ATP2C2: variants seen among roughly 807,000 people sequenced by gnomAD.
ATP2C2 encodes the protein ATPase secretory pathway Ca2+ transporting 2, also known as calcium-transporting ATPase type 2C member 2.
ATP2C2 carries 171 observed loss-of-function variants against 110.8 expected under a neutral mutation model. The observed-to-expected ratio is 1.54, with a 90% CI of 1.36 to 1.75. ATP2C2 has a LOEUF of 1.75. ATP2C2 is among the 40% of genes most tolerant of loss of function. The probability of loss-of-function intolerance (pLI) is 0.00; values close to 1 mark genes in which losing one functional copy is unlikely to be tolerated. For missense variants in ATP2C2, 1,963 were observed against 1,235.0 expected, an observed-to-expected ratio of 1.59 and a Z score of -8.84; for synonymous variants, 804 against 508.4, an observed-to-expected ratio of 1.58 and a Z score of -7.82.
chr16:84,444,183 A>C (rs1159878804), intron 15 of ATP2C2, among the ~76,000 whole-genome samples: 2 of 148,132 alleles, frequency 1.4e-5, no homozygotes, highest in Non-Finnish European at 3.0e-5. Context: ...AAAAAAAAAA[A>C]ACAAAAAGAT....
At chr16:84,430,768 T>TG (rs1908205061) in intron 11 of ATP2C2, among the ~76,000 whole-genome samples, 1 of 151,888 alleles carries the variant, frequency 6.6e-6, no homozygotes, top group Admixed American at 6.6e-5. Flanking sequence ...ACACAGCCCA[T>TG]GGGGTAAGTC....
At chr16:84,439,670 T>C (rs1255790319) in intron 13 of ATP2C2, 146 bp downstream of exon 13, 2 of 785,158 alleles carry the variant, frequency 2.5e-6, no homozygotes, top group Non-Finnish European at 4.1e-6. Context: ...ACATGACTGA[T>C]TTTGTTTTTA....
At position 84,451,987 on chromosome 16, in the gene ATP2C2, AC is replaced by A. The variant is rs771595842; in HGVS notation, c.1733del (p.Pro578ArgfsTer5). On this transcript the variant is annotated frameshift_variant, in exon 18 of 27. Transcript: ENST00000262429. LOFTEE classifies it high-confidence loss of function. ...TTTCTCGGTCTTGTGGGCATCATTG[AC>A]CCCCCGAGAGTTGGCGTGAAGGAAG... Reference protein sequence around the residue: ...LTFLGLVGIIDPPRVGVKEAV... With the variant: ...LTFLGLVGIIXPPRVGVKEAV... 6.2e-7 allele frequency: 1 copy of A among 1,612,956 alleles called. No homozygotes were observed. The highest frequency in any genetic ancestry group is 1.7e-5 in the Admixed American group (1 of 59,872).
chr16:84,406,169 C>A (rs762253357), intron 3 of ATP2C2, among the ~76,000 whole-genome samples: 2 of 152,122 alleles, frequency 1.3e-5, no homozygotes, highest in East Asian at 1.9e-4. Flanking sequence ...CTGCTGCCAT[C>A]GGTGCTGGCG....
chr16:84,404,562 G>C (rs1905581721), intron 2 of ATP2C2: 1 of 201,550 alleles, frequency 5.0e-6, no homozygotes, highest in Admixed American at 5.3e-5. Context: ...GTATTTCATT[G>C]TGTGTGTACA....
At chr16:84,460,363 G>T (rs567735621) in intron 23 of ATP2C2, 7 of 458,976 alleles carry the variant, frequency 1.5e-5, no homozygotes, top group East Asian at 1.3e-4. Context: ...GGGTCCCCTC[G>T]GGGTGATGGA....
At chr16:84,454,393 A>G (rs1910596929) in intron 20 of ATP2C2, among the ~76,000 whole-genome samples, 1 of 152,064 alleles carries the variant, frequency 6.6e-6, no homozygotes, top group South Asian at 2.1e-4. Flanking sequence ...TTCTTCTTTC[A>G]TGTTATTTTT....
chr16:84,420,918 G>T (rs1190839422), intron 7 of ATP2C2, among the ~76,000 whole-genome samples: 1 of 152,146 alleles, frequency 6.6e-6, no homozygotes, highest in South Asian at 2.1e-4. Context: ...AGATTCTCCT[G>T]CCTCAGCCTC....
At chr16:84,378,584 T>G (rs1910387517) in intron 1 of ATP2C2, among the ~76,000 whole-genome samples, 2 of 152,194 alleles carry the variant, frequency 1.3e-5, no homozygotes, top group Non-Finnish European at 2.9e-5. Context: ...TGTTTAAAAC[T>G]CTCTGCACAA....
chr16:84,416,997 A>G (rs1338839454), intron 7 of ATP2C2, among the ~76,000 whole-genome samples: 1 of 152,204 alleles, frequency 6.6e-6, no homozygotes, highest in Admixed American at 6.5e-5. Flanking sequence ...GCTGGTGCAG[A>G]GGCAGAGAGA....
intron 10 of ATP2C2, among the ~76,000 whole-genome samples, chr16:84,424,419 A>T (rs1350810732): frequency 6.6e-6 from 1 of 152,028 alleles, no homozygotes; most frequent in Non-Finnish European, 1.5e-5. Flanking sequence ...CTGGGATTAC[A>T]GGCATGCACC....
At chr16:84,461,965 C>A (rs199856889) in intron 25 of ATP2C2, 23 bp from the exon 26 acceptor site, 1 of 1,611,406 alleles carries the variant, frequency 6.2e-7, no homozygotes, top group East Asian at 2.2e-5. Context: ...CACACAATCC[C>A]CCGTGTGACC....
chr16:84,421,279 C>T lies in ATP2C2; in HGVS notation c.625-1111C>T, dbSNP rs917795461. 3.3e-5 allele frequency among the ~76,000 whole-genome samples: 5 copies of T among 152,236 alleles called. 1 individual carries two copies. The highest frequency in any genetic ancestry group is 1.3e-4 in the Admixed American group (2 of 15,286). On this transcript the variant is annotated intron_variant, in intron 7 of 26. Transcript: ENST00000262429. ...GTGACTGCGCAGCCGGAGGCCTCGC[C>T]TCCCTGACGCTGTGGGGTCCACTGG... is the stretch of plus-strand genomic sequence containing the variant.
At chr16:84,433,851 C>T (rs1195267994) in intron 11 of ATP2C2, among the ~76,000 whole-genome samples, 1 of 152,188 alleles carries the variant, frequency 6.6e-6, no homozygotes, top group African/African-American at 2.4e-5. Flanking sequence ...TCTCTCCCCA[C>T]CCAGTGCTAT....
chr16:84,380,489 C>G (rs866091008), intron 1 of ATP2C2, among the ~76,000 whole-genome samples: 1 of 152,146 alleles, frequency 6.6e-6, no homozygotes, highest in Non-Finnish European at 1.5e-5. Flanking sequence ...TATTTTCCCC[C>G]GTGACTTGGG....
At chr16:84,419,176 G>A (rs575367237) in intron 7 of ATP2C2, among the ~76,000 whole-genome samples, 5 of 128,152 alleles carry the variant, frequency 3.9e-5, no homozygotes, top group South Asian at 2.7e-4. Context: ...CCACTGCACT[G>A]TAGCCTGGGT....
At chr16:84,461,014 G>C in intron 24 of ATP2C2, 1 of 638,658 alleles carries the variant, frequency 1.6e-6, no homozygotes, top group South Asian at 2.6e-5. Flanking sequence ...GTGTGCCTGG[G>C]AACTACAGAG....
chr16:84,460,325 C>G (rs534664436), intron 23 of ATP2C2: 4 of 380,034 alleles, frequency 1.1e-5, no homozygotes, highest in Admixed American at 8.0e-5. Context: ...GAGCCTGGAG[C>G]CTGTTTCTCC....
intron 2 of ATP2C2, among the ~76,000 whole-genome samples, chr16:84,399,213 C>T (rs1162923654): frequency 6.6e-6 from 1 of 152,172 alleles, no homozygotes; most frequent in Non-Finnish European, 1.5e-5. Context: ...TAAAAAGCCC[C>T]CAGGAAAAGG....
Sources: allele counts gnomAD v4.1 joint callset (sites outside exome capture counted in the v4.1 genomes callset), GRCh38; gene constraint gnomAD v4.1.1; transcripts MANE v1.5; gene names NCBI Gene and HGNC (gene_info 2026-07-23, HGNC 2026-07-21).